The following ITPR2 variants were observed in gnomAD, a reference collection of about 807,000 sequenced individuals.
The protein encoded by ITPR2 is inositol 1,4,5-trisphosphate-gated calcium channel ITPR2.
A neutral mutation model predicts 317.1 loss-of-function variants in ITPR2; 207 were observed. The observed-to-expected ratio is 0.65, with a 90% CI of 0.58 to 0.73. ITPR2 has a LOEUF of 0.73. Ranked by LOEUF, ITPR2 falls within the 30% of genes least tolerant of loss-of-function variation. The pLI is 0.00. For missense variants in ITPR2, 2,613 were observed against 3,284.0 expected, an observed-to-expected ratio of 0.80 and a Z score of 4.99; for synonymous variants, 1,156 against 1,149.1, an observed-to-expected ratio of 1.01 and a Z score of -0.12.
At chr12:26,651,874 T>C (rs1947263999) in intron 21 of ITPR2, among the ~76,000 whole-genome samples, 1 of 152,156 alleles carries the variant, frequency 6.6e-6, no homozygotes, top group Non-Finnish European at 1.5e-5. Context: ...GTTTCTTTTG[T>C]CTTGTGGTAT....
At chr12:26,692,791 CAA>C (rs796128691) in intron 10 of ITPR2, among the ~76,000 whole-genome samples, 2 of 147,232 alleles carry the variant, frequency 1.4e-5, no homozygotes, top group South Asian at 4.3e-4. Flanking sequence ...TTCTAAATTA[CAA>C]AAAAAAAATA....
intron 52 of ITPR2, 169 bp downstream of exon 52, chr12:26,411,151 T>A (rs950198624): frequency 1.8e-6 from 1 of 564,098 alleles, no homozygotes; most frequent in African/African-American, 1.9e-5. Context: ...AAATGACCAA[T>A]GTGGGAATCC....
intron 54 of ITPR2, 122 bp from the exon 55 acceptor site, chr12:26,387,716 T>A: frequency 1.2e-6 from 1 of 839,242 alleles, no homozygotes; most frequent in East Asian, 2.7e-5. Flanking sequence ...GTGTGCCAAT[T>A]TAAAATGCTA....
At chr12:26,387,370 G>A in intron 55 of ITPR2, 64 bp downstream of exon 55, 1 of 1,457,062 alleles carries the variant, frequency 6.9e-7, no homozygotes, top group South Asian at 1.2e-5. Flanking sequence ...GGATGGTAGG[G>A]TAGAGAAGAT....
rs78962817 is a variant in ITPR2, at chr12:26,575,729, A to T, written c.4630+2984T>A. Among the ~76,000 whole-genome samples, 355 of 152,352 alleles carry T rather than the reference A, an allele frequency of 2.3e-3. 7 individuals carry two copies. The highest frequency in any genetic ancestry group is 8.2e-3 in the African/African-American group (340 of 41,572). On this transcript the variant is annotated intron_variant, in intron 34 of 56. Coordinates refer to ENST00000381340, the MANE Select transcript of ITPR2 (RefSeq NM_002223.4). ...CTTATTACTTAGAAATAAAAGATGT[A>T]TTTAGACTAATATAGTTTCAGTAAC...
intron 1 of ITPR2, among the ~76,000 whole-genome samples, chr12:26,820,638 AT>A (rs1390924000): frequency 2.0e-5 from 3 of 152,340 alleles, no homozygotes; most frequent in African/African-American, 7.2e-5. Flanking sequence ...ACCTAAAAGA[AT>A]TTTTAAAAAT....
intron 39 of ITPR2, among the ~76,000 whole-genome samples, chr12:26,492,683 A>T (rs1419508851): frequency 6.6e-6 from 1 of 152,246 alleles, no homozygotes; most frequent in Non-Finnish European, 1.5e-5. Flanking sequence ...AGACGTAGAC[A>T]GTGGAACATT....
intron 37 of ITPR2, among the ~76,000 whole-genome samples, chr12:26,506,787 G>GT (rs887600843): frequency 7.2e-5 from 11 of 151,998 alleles, no homozygotes; most frequent in African/African-American, 2.7e-4. Flanking sequence ...TAGGATTTTC[G>GT]TATTTTACTA....
At chr12:26,716,045 T>C (rs1948734916) in intron 6 of ITPR2, 99 bp downstream of exon 6, 1 of 815,532 alleles carries the variant, frequency 1.2e-6, no homozygotes, top group Admixed American at 2.4e-5. Context: ...ATAACTGGGA[T>C]TATGCTCATG....
intron 23 of ITPR2, 120 bp downstream of exon 23, chr12:26,627,913 A>T: frequency 1.1e-6 from 1 of 875,190 alleles, no homozygotes; most frequent in Non-Finnish European, 1.7e-6. Flanking sequence ...CCAGAACTTA[A>T]AGTATAATAA....
At chr12:26,539,034 T>A (rs1944184557) in intron 37 of ITPR2, among the ~76,000 whole-genome samples, 1 of 152,190 alleles carries the variant, frequency 6.6e-6, no homozygotes, top group Admixed American at 6.5e-5. Context: ...ATATGCCTAG[T>A]CAACAGCAGT....
intron 46 of ITPR2, among the ~76,000 whole-genome samples, chr12:26,442,370 T>C (rs959626910): frequency 3.3e-5 from 5 of 152,104 alleles, no homozygotes; most frequent in African/African-American, 1.2e-4. Flanking sequence ...TGGTAGAGAG[T>C]AAGTGCTCAG....
At chr12:26,745,233 A>C (rs1166227621) in intron 2 of ITPR2, among the ~76,000 whole-genome samples, 8 of 152,226 alleles carry the variant, frequency 5.3e-5, no homozygotes, top group Non-Finnish European at 1.5e-5. Flanking sequence ...CCTTGAACAA[A>C]CACAGACATA....
rs920555662 is a variant in ITPR2 at position 26,831,845 on chromosome 12, T to C, written c.92+845A>G. 4.1e-4 allele frequency among the ~76,000 whole-genome samples: 59 copies of C among 144,908 alleles called. 1 individual carries two copies. The highest frequency in any genetic ancestry group is 1.7e-3 in the Admixed American group (24 of 14,306). ...ATATTATACATAAAATATATAAATATATATTATACATAAAATATATAAATA... is the reference window on the plus strand; with the variant it reads ...ATATTATACATAAAATATATAAATACATATTATACATAAAATATATAAATA... On this transcript the variant is annotated intron_variant, in intron 1 of 56. Transcript: ENST00000381340. This position sits in a 1 kb window ranked among gnomAD's most constrained non-coding sequence, Gnocchi z 4.9.
At chr12:26,395,914 G>A (rs574922290) in intron 54 of ITPR2, among the ~76,000 whole-genome samples, 2 of 152,104 alleles carry the variant, frequency 1.3e-5, no homozygotes, top group South Asian at 4.2e-4. Context: ...GTAAAGGAGT[G>A]GTAATATACA....
In ITPR2 at chr12:26,556,391, C is replaced by T. The variant is rs949155987; in HGVS notation, c.4822-16G>A. On this transcript the variant is annotated splice_polypyrimidine_tract_variant and intron_variant, in intron 35 of 56. Transcript: ENST00000381340. ...CCACTACATCCTAGGGAATGAAACA[C>T]AAGAGAACCCACATGAAGGCGTAAG... The T allele has an allele frequency of 2.5e-6, 4 of 1,603,412 alleles. No individual in the cohort carries two copies. Among genetic ancestry groups the T allele is most frequent in the Non-Finnish European group, 2.5e-6 (3 of 1,176,790 alleles).
At chr12:26,493,397 G>T (rs1942855252) in intron 39 of ITPR2, among the ~76,000 whole-genome samples, 1 of 152,194 alleles carries the variant, frequency 6.6e-6, no homozygotes, top group African/African-American at 2.4e-5. Flanking sequence ...TTAGTAGTAA[G>T]TAGACAGTTT....
At chr12:26,445,139 T>C (rs1380248960) in intron 45 of ITPR2, among the ~76,000 whole-genome samples, 1 of 152,106 alleles carries the variant, frequency 6.6e-6, no homozygotes, top group Non-Finnish European at 1.5e-5. Context: ...ATCTGGGGCA[T>C]GAAAGAAAGA....
At chr12:26,591,079 CAAAAAAAAAAAA>C (rs34387951) in intron 32 of ITPR2, among the ~76,000 whole-genome samples, 2 of 43,408 alleles carry the variant, frequency 4.6e-5, no homozygotes, top group Non-Finnish European at 8.0e-5. Flanking sequence ...GACTCCATCT[CAAAAAAAAAAAA>C]AAAAAAAAAA....
Sources: gnomAD v4.1 joint callset for allele counts (sites outside exome capture counted in the v4.1 genomes callset) on GRCh38, gnomAD v4.1.1 for gene constraint, Gnocchi (gnomAD v3.1) non-coding constraint, MANE v1.5 for transcripts, NCBI Gene and HGNC (gene_info 2026-07-23, HGNC 2026-07-21) for gene names.